The following RFLNA variants were observed in gnomAD, a reference collection of about 807,000 sequenced individuals.
RFLNA encodes refilin A, also known as refilin-A.
A neutral mutation model predicts 7.8 loss-of-function variants in RFLNA; 5 were observed. The ratio of observed to expected loss-of-function variants is 0.64; its 90% confidence interval spans 0.34 to 1.35. The LOEUF (loss-of-function observed/expected upper bound fraction) is 1.35, where lower values mean the gene tolerates loss of function less well. RFLNA is among the 40% of genes most tolerant of loss of function. RFLNA has a pLI of 0.04. For synonymous variants in RFLNA, 141 were observed against 131.3 expected (o/e 1.07, Z -0.50); for missense variants, 278 against 305.5 (o/e 0.91, Z 0.67).
At chr12:124,310,172 CAAAAAAAAAAAAAAA>C (rs71088996) in intron 1 of RFLNA, among the ~76,000 whole-genome samples, 1 of 17,090 alleles carries the variant, frequency 5.9e-5, no homozygotes, top group Non-Finnish European at 1.2e-4. Flanking sequence ...GACTCTGTCT[CAAAAAAAAAAAAAAA>C]AAAAAAAAAG....
intron 1 of RFLNA, among the ~76,000 whole-genome samples, chr12:124,307,645 G>A (rs561384215): frequency 6.6e-6 from 1 of 152,336 alleles, no homozygotes; most frequent in Admixed American, 6.5e-5. Context: ...GGTGGTCTCA[G>A]CCAGCCCCGG....
intron 1 of RFLNA, among the ~76,000 whole-genome samples, chr12:124,309,713 A>G (rs2034204449): frequency 6.6e-6 from 1 of 152,206 alleles, no homozygotes; most frequent in South Asian, 2.1e-4. Flanking sequence ...CTGCTATCCC[A>G]GCACAGGCTA....
chr12:124,314,351 G>C lies in RFLNA; in HGVS notation c.477G>C (p.Pro159=). The C allele has an allele frequency of 6.2e-7, 1 of 1,613,234 alleles. No individual in the cohort carries two copies. The highest frequency in any genetic ancestry group is 1.1e-5 in the South Asian group (1 of 91,076). ...YRSQLTLEPR[P]RALRFRSTTI... ...GCCAGCTGACCCTGGAGCCACGCCC[G>C]CGCGCCCTGCGCTTCCGCAGCACCA... The change falls in exon 3 of 3, where the codon CCG becomes CCC. Residue 159 remains proline (P), a synonymous_variant. Coordinates refer to ENST00000546355, the MANE Select transcript of RFLNA (RefSeq NM_001365156.1).
In RFLNA at chr12:124,314,575, G is replaced by A; in HGVS notation, c.*50G>A. ...CTGGAGGAGCCGGGAGCCCTGGGGAGAAGCCGGGAGGATGGACACGATGAG... is the reference window on the plus strand; with the variant it reads ...CTGGAGGAGCCGGGAGCCCTGGGGAAAAGCCGGGAGGATGGACACGATGAG... On this transcript the variant is annotated 3_prime_UTR_variant, in exon 3 of 3. Coordinates refer to ENST00000546355, the MANE Select transcript of RFLNA (RefSeq NM_001365156.1). The A allele has an allele frequency of 6.5e-7, 1 of 1,531,772 alleles. No homozygotes were observed. The highest frequency in any genetic ancestry group is 8.7e-7 in the Non-Finnish European group (1 of 1,146,592). The allele number at this position is 1,531,772 out of a possible 1,614,324, so 94.9% of individuals were successfully genotyped here.
chr12:124,302,837 C>G (rs1188839915), intron 1 of RFLNA, among the ~76,000 whole-genome samples: 1 of 141,828 alleles, frequency 7.1e-6, no homozygotes, highest in East Asian at 2.1e-4. Flanking sequence ...GGGCCGAGGT[C>G]AGAGGGCCGA....
rs766253568 is a variant in RFLNA at position 124,314,435 on chromosome 12, G to T, written c.561G>T (p.Leu187=). 6.9e-6 allele frequency: 11 copies of T among 1,603,134 alleles called. No homozygotes were observed. In the Admixed American group the frequency reaches 1.8e-4, roughly 27 times the overall value. The change falls in exon 3 of 3, where the codon CTG becomes CTT. Residue 187 remains leucine (L), a synonymous_variant. Transcript: ENST00000546355. ...TCCGGACCACCCTGCACTGCAGCCT[G>T]GGCCGGCCCAGCCGCTGGTTCACCG... is the stretch of plus-strand genomic sequence containing the variant. ...STFRTTLHCS[L]GRPSRWFTAS...
At chr12:124,301,228 G>A (rs1161439054) in intron 1 of RFLNA, among the ~76,000 whole-genome samples, 2 of 152,324 alleles carry the variant, frequency 1.3e-5, no homozygotes, top group East Asian at 1.9e-4. Context: ...GCGTCTGCTC[G>A]ATCCCGGGTG....
upstream of RFLNA, among the ~76,000 whole-genome samples, chr12:124,294,461 C>A (rs1199648235): frequency 6.6e-6 from 1 of 152,208 alleles, no homozygotes; most frequent in Non-Finnish European, 1.5e-5. Context: ...AAGGGAAACA[C>A]GTGTTCTTCT....
chr12:124,296,126 C>CTTTCTTTCTTTTCTTTCTTTCTTTCTT (rs1566320083), intron 1 of RFLNA, among the ~76,000 whole-genome samples: 1 of 1,520 alleles, frequency 6.6e-4, no homozygotes, highest in Non-Finnish European at 2.4e-3. Flanking sequence ...CTTTCTTTCT[C>CTTTCTTTCTTTTCTTTCTTTCTTTCTT]TCTCTCTCTC....
In RFLNA at chr12:124,307,012, C is replaced by T. The variant is rs141207804; in HGVS notation, c.208-4806C>T. 4.4e-3 allele frequency among the ~76,000 whole-genome samples: 666 copies of T among 152,232 alleles called. 6 individuals are homozygous for T. Among genetic ancestry groups the T allele is most frequent in the African/African-American group, 0.015 (621 of 41,532 alleles). ...GAATAGGGTCCCCACCACCTGCTGT[C>T]CCCCGTGGGAGCCAGCTATCCCCTC... On this transcript the variant is annotated intron_variant, in intron 1 of 2. Transcript: ENST00000546355.
chr12:124,304,246 G>A (rs537401482), intron 1 of RFLNA, among the ~76,000 whole-genome samples: 20 of 152,358 alleles, frequency 1.3e-4, no homozygotes, highest in African/African-American at 3.6e-4. Flanking sequence ...CTGCAGCTCC[G>A]CGGGAGTGTC....
upstream of RFLNA, among the ~76,000 whole-genome samples, chr12:124,290,144 G>A (rs916319112): frequency 9.2e-5 from 14 of 152,206 alleles, no homozygotes; most frequent in Non-Finnish European, 1.5e-4. This position sits in a 1 kb window ranked among gnomAD's most constrained non-coding sequence, Gnocchi z 4.0. Context: ...CTCTCCCTAG[G>A]AAAGACAAAG....
intron 1 of RFLNA, among the ~76,000 whole-genome samples, chr12:124,296,577 G>A (rs1032607483): frequency 1.3e-5 from 2 of 152,186 alleles, no homozygotes; most frequent in African/African-American, 4.8e-5. Flanking sequence ...TGGGGCCCCG[G>A]GGATTCTTGC....
chr12:124,307,359 C>T (rs777755592), intron 1 of RFLNA, among the ~76,000 whole-genome samples: 9 of 152,112 alleles, frequency 5.9e-5, no homozygotes, highest in Non-Finnish European at 1.2e-4. Context: ...GGAGCTTCTT[C>T]CCCCAGGAGG....
intron 1 of RFLNA, among the ~76,000 whole-genome samples, chr12:124,304,600 G>C (rs2034106307): frequency 6.6e-6 from 1 of 152,228 alleles, no homozygotes; most frequent in South Asian, 2.1e-4. Flanking sequence ...AGAGATGCCG[G>C]GGCGGGGGCT....
chr12:124,308,420 G>A (rs2034175357), intron 1 of RFLNA, among the ~76,000 whole-genome samples: 2 of 151,488 alleles, frequency 1.3e-5, no homozygotes, highest in Admixed American at 1.3e-4. Flanking sequence ...GGTCTGCGTG[G>A]ACATGGGCTT....
At chr12:124,313,395 G>A (rs959252862) in intron 2 of RFLNA, among the ~76,000 whole-genome samples, 3 of 152,190 alleles carry the variant, frequency 2.0e-5, no homozygotes, top group Non-Finnish European at 4.4e-5. Flanking sequence ...TTAAAAGGTT[G>A]CGGCTGGGCG....
intron 1 of RFLNA, among the ~76,000 whole-genome samples, chr12:124,302,786 G>GGGGGCCGAGGTCAGGGGCTGAGGTCA (rs2034061403): frequency 6.1e-5 from 2 of 33,028 alleles, no homozygotes; most frequent in African/African-American, 1.3e-4. Flanking sequence ...GCCGAGGTCA[G>GGGGGCCGAGGTCAGGGGCTGAGGTCA]GGGGCCGAGG....
chr12:124,311,598 G>A (rs985636332), intron 1 of RFLNA: 1 of 449,334 alleles, frequency 2.2e-6, no homozygotes, highest in Non-Finnish European at 3.9e-6. Flanking sequence ...GGCTGGTGGT[G>A]GAGAGCTGGG....
Sources: gnomAD v4.1 joint callset for allele counts (sites outside exome capture counted in the v4.1 genomes callset) on GRCh38, gnomAD v4.1.1 for gene constraint, Gnocchi (gnomAD v3.1) non-coding constraint, MANE v1.5 for transcripts, NCBI Gene and HGNC (gene_info 2026-07-23, HGNC 2026-07-21) for gene names.